Variants in EIF4E observed in about 807,000 individuals in gnomAD.
The protein encoded by EIF4E is eukaryotic translation initiation factor 4E, also known as eIF-4F 25 kDa subunit.
For synonymous variants in EIF4E, 71 were observed against 88.5 expected, an observed-to-expected ratio of 0.80 and a Z score of 1.11; for missense variants, 113 against 265.6, an observed-to-expected ratio of 0.43 and a Z score of 3.99.
chr4:98,882,959 A>G (rs1172920967), intron 6 of EIF4E, among the ~76,000 whole-genome samples: 1 of 152,188 alleles, frequency 6.6e-6, no homozygotes, highest in Non-Finnish European at 1.5e-5. Context: ...AAATCCCTAT[A>G]CCTTTTGATC....
intron 1 of EIF4E, among the ~76,000 whole-genome samples, chr4:98,914,361 C>T (rs1238586692): frequency 5.7e-5 from 2 of 34,830 alleles, no homozygotes; most frequent in Non-Finnish European, 1.0e-4. Context: ...GACTCCGTCT[C>T]AAAAAAAAAA....
At chr4:98,885,975 AAT>A (rs1249535175) in intron 5 of EIF4E, among the ~76,000 whole-genome samples, 1 of 152,110 alleles carries the variant, frequency 6.6e-6, no homozygotes, top group Non-Finnish European at 1.5e-5. Flanking sequence ...TCAAAAACAG[AAT>A]TTTCTTCTTA....
At chr4:98,893,163 T>A (rs549207382) in intron 2 of EIF4E, among the ~76,000 whole-genome samples, 13 of 152,292 alleles carry the variant, frequency 8.5e-5, no homozygotes, top group African/African-American at 2.9e-4. Context: ...AAAATGTACA[T>A]ACCTTAATTA....
At chr4:98,888,174 G>A (rs1724000117) in intron 3 of EIF4E, among the ~76,000 whole-genome samples, 3 of 152,142 alleles carry the variant, frequency 2.0e-5, no homozygotes, top group African/African-American at 7.2e-5. Flanking sequence ...AACTTCTAGT[G>A]ACTGCTCTGA....
chr4:98,894,688 A>G (rs899690513), intron 2 of EIF4E, among the ~76,000 whole-genome samples: 3 of 152,178 alleles, frequency 2.0e-5, no homozygotes, highest in South Asian at 2.1e-4. Flanking sequence ...AACTTACTCT[A>G]TATCAGCAAT....
At chr4:98,889,935 TAATC>T (rs1213849847) in intron 3 of EIF4E, among the ~76,000 whole-genome samples, 1 of 152,132 alleles carries the variant, frequency 6.6e-6, no homozygotes, top group Non-Finnish European at 1.5e-5. Context: ...CAAAGAATAA[TAATC>T]CTAGTTTAAC....
At chr4:98,914,663 C>T (rs1725302330) in intron 1 of EIF4E, among the ~76,000 whole-genome samples, 1 of 151,948 alleles carries the variant, frequency 6.6e-6, no homozygotes. Flanking sequence ...ATTTTTAGGG[C>T]TTAGTAAAAT....
chr4:98,923,915 T>C (rs779879803), intron 1 of EIF4E, among the ~76,000 whole-genome samples: 1 of 152,202 alleles, frequency 6.6e-6, no homozygotes, highest in Non-Finnish European at 1.5e-5. Flanking sequence ...CACCGTAATA[T>C]ATCTTATTCC....
Position 98,925,316 on chromosome 4 carries a change from CA to C in EIF4E, c.18+3778del, listed in dbSNP as rs891180081. On this transcript the variant is annotated intron_variant, in intron 1 of 6. Coordinates refer to ENST00000450253, the MANE Select transcript of EIF4E (RefSeq NM_001968.5). Reference sequence around the variant, plus strand: ...TCTTACCTCAAAAGGAACTACAAGTCAAAAAAAAATTTTTTTAATTCTAATA... The same window carrying C: ...TCTTACCTCAAAAGGAACTACAAGTCAAAAAAAATTTTTTTAATTCTAATA... Among the ~76,000 whole-genome samples the C allele has an allele frequency of 2.2e-3, 332 of 151,588 alleles. 1 individual carries two copies. Among genetic ancestry groups the C allele is most frequent in the African/African-American group, 6.8e-3 (281 of 41,370 alleles).
intron 2 of EIF4E, among the ~76,000 whole-genome samples, chr4:98,896,808 T>C (rs1475161660): frequency 6.7e-6 from 1 of 150,126 alleles, no homozygotes; most frequent in Non-Finnish European, 1.5e-5. Context: ...AAACTCCAAC[T>C]CTACAAAAAA....
intron 6 of EIF4E, among the ~76,000 whole-genome samples, chr4:98,883,229 G>A (rs1030692823): frequency 4.6e-5 from 7 of 151,954 alleles, no homozygotes; most frequent in South Asian, 2.1e-4. Flanking sequence ...CTGACATCGC[G>A]CTACTGCACC....
At position 98,918,312 on chromosome 4, in the gene EIF4E, G is replaced by A. The variant is rs535392054; in HGVS notation, c.18+10783C>T. On this transcript the variant is annotated intron_variant, in intron 1 of 6. Coordinates refer to ENST00000450253, the MANE Select transcript of EIF4E (RefSeq NM_001968.5). ...CAAGAGGCGGAGGTTGCAGTGAGCC[G>A]AGATTGTCACTGCACTCCAGCCTAG... is the stretch of plus-strand genomic sequence containing the variant. Among the ~76,000 whole-genome samples, 3 of 149,348 alleles carry A rather than the reference G, an allele frequency of 2.0e-5. No homozygotes were observed. The South Asian group carries it at 6.4e-4, about 32-fold the overall frequency.
At chr4:98,928,875 C>T in intron 1 of EIF4E, 1 of 1,547,368 alleles carries the variant, frequency 6.5e-7, no homozygotes, top group South Asian at 1.2e-5. Flanking sequence ...ACACCGCTCC[C>T]CCAGTTCTCG....
chr4:98,918,377 A>G (rs1725491767), intron 1 of EIF4E, among the ~76,000 whole-genome samples: 1 of 151,036 alleles, frequency 6.6e-6, no homozygotes, highest in Admixed American at 6.6e-5. Context: ...AAAAAAAAAG[A>G]AAGAAAAAAA....
intron 1 of EIF4E, among the ~76,000 whole-genome samples, chr4:98,924,238 C>T (rs533830519): frequency 2.0e-5 from 3 of 152,136 alleles, no homozygotes; most frequent in Admixed American, 1.3e-4. Flanking sequence ...ATCACCACGC[C>T]CAGCTAAGTT....
chr4:98,890,929 G>T (rs1040384865), intron 3 of EIF4E: 1 of 394,836 alleles, frequency 2.5e-6, no homozygotes, highest in African/African-American at 2.1e-5. Context: ...TGAGGCAAAT[G>T]TATCTTGGCA....
In EIF4E at chr4:98,880,883, G is replaced by A. The variant is rs1016827606; in HGVS notation, c.*145C>T. The A allele has an allele frequency of 4.0e-5, 54 of 1,347,172 alleles. No homozygotes were observed. The South Asian group carries it at 6.8e-4, about 17-fold the overall frequency. The allele number at this position is 1,347,172 out of a possible 1,614,324, so 83.5% of individuals were successfully genotyped here. On this transcript the variant is annotated 3_prime_UTR_variant, in exon 7 of 7. Transcript: ENST00000450253. ...ACAGAAGTACAAGACAAAGGCGAAT[G>A]AGACTTCTCTTATATCTGAGTAACA...
chr4:98,928,813 A>T, intron 1 of EIF4E: 1 of 1,504,426 alleles, frequency 6.6e-7, no homozygotes, highest in Non-Finnish European at 8.9e-7. Flanking sequence ...GCTACCCTCC[A>T]CCCTGTAGAC....
chr4:98,902,366 G>A (rs529670984), intron 1 of EIF4E, among the ~76,000 whole-genome samples: 14 of 152,242 alleles, frequency 9.2e-5, no homozygotes, highest in East Asian at 3.9e-4. Context: ...CACCACACCC[G>A]GCACTAGTAG....
Sources: allele counts gnomAD v4.1 joint callset (sites outside exome capture counted in the v4.1 genomes callset), GRCh38; gene constraint gnomAD v4.1.1; transcripts MANE v1.5; gene names NCBI Gene and HGNC (gene_info 2026-07-23, HGNC 2026-07-21).